The following BORCS8 variants were observed in gnomAD, a reference collection of about 807,000 sequenced individuals.
BORCS8 encodes BLOC-1-related complex subunit 8.
BORCS8 carries 13 observed loss-of-function variants against 18.7 expected under a neutral mutation model. That is an observed-to-expected ratio of 0.70 (90% CI 0.45 to 1.11). The LOEUF (loss-of-function observed/expected upper bound fraction) is 1.11. BORCS8 is among the 50% of genes least tolerant of loss of function. BORCS8 has a pLI of 0.00. For synonymous variants in BORCS8, 68 were observed against 64.8 expected (o/e 1.05, Z -0.24); for missense variants, 165 against 165.7 (o/e 1.00, Z 0.02).
At chr19:19,180,590 AGTG>A in intron 5 of BORCS8, 93 bp downstream of exon 5, 1 of 846,436 alleles carries the variant, frequency 1.2e-6, no homozygotes, top group Admixed American at 2.0e-5. Context: ...AGAAACCCCA[AGTG>A]GTTAGACAAG....
At chr19:19,187,613 A>G (rs1467832055) in intron 1 of BORCS8, among the ~76,000 whole-genome samples, 1 of 149,762 alleles carries the variant, frequency 6.7e-6, no homozygotes, top group Non-Finnish European at 1.5e-5. Flanking sequence ...ATCTCGGCTC[A>G]CCACAACCTC....
intron 1 of BORCS8, among the ~76,000 whole-genome samples, chr19:19,190,918 G>GA (rs1364457198): frequency 4.7e-5 from 7 of 148,532 alleles, no homozygotes; most frequent in Non-Finnish European, 7.5e-5. Flanking sequence ...TGGAAAATAG[G>GA]AAAAAAAAAA....
At chr19:19,180,627 C>A in intron 5 of BORCS8, 59 bp downstream of exon 5, 2 of 1,197,558 alleles carry the variant, frequency 1.7e-6, no homozygotes, top group Non-Finnish European at 2.4e-6. Flanking sequence ...GGCTGCCAAG[C>A]GGGCGGGTTG....
intron 1 of BORCS8, among the ~76,000 whole-genome samples, chr19:19,187,846 G>C (rs2060425759): frequency 6.9e-6 from 1 of 144,702 alleles, no homozygotes; most frequent in Non-Finnish European, 1.5e-5. Flanking sequence ...CAGCTTGATT[G>C]AACTTTTTTT....
intron 1 of BORCS8, among the ~76,000 whole-genome samples, chr19:19,188,302 A>G (rs1338184285): frequency 6.6e-6 from 1 of 152,112 alleles, no homozygotes; most frequent in East Asian, 1.9e-4. Flanking sequence ...TGCTGGGATT[A>G]CAGGCATGAG....
intron 1 of BORCS8, among the ~76,000 whole-genome samples, chr19:19,191,448 C>T (rs1247922248): frequency 6.7e-6 from 1 of 150,220 alleles, no homozygotes; most frequent in Admixed American, 6.7e-5. Context: ...GCCATGATCG[C>T]GCCACCGCAC....
At position 19,182,080 on chromosome 19, in the gene BORCS8, A is replaced by G; in HGVS notation, c.326+493T>C. Reference sequence around the variant, plus strand: ...CCATCTCCCTGGCCCCATCTCCCCCAGCTGGCCGGCTCCAGCCACAGAAGC... The same window carrying G: ...CCATCTCCCTGGCCCCATCTCCCCCGGCTGGCCGGCTCCAGCCACAGAAGC... On this transcript the variant is annotated intron_variant, in intron 4 of 5. Coordinates refer to ENST00000462790, the MANE Select transcript of BORCS8 (RefSeq NM_001145784.2). The surrounding 1 kb of genome is among the most constrained non-coding windows in gnomAD (Gnocchi z 4.1). 2.0e-6 allele frequency: 2 copies of G among 982,150 alleles called. No homozygotes were observed. Among genetic ancestry groups the G allele is most frequent in the Non-Finnish European group, 2.4e-6 (2 of 827,350 alleles). The allele number at this position is 982,150 out of a possible 1,614,324, so 60.8% of individuals were successfully genotyped here. A position where few individuals can be genotyped will look rare whatever the true frequency, so the allele number is the denominator to read the frequency against.
intron 1 of BORCS8, among the ~76,000 whole-genome samples, chr19:19,188,016 C>CATTT (rs138094517): frequency 0.091 from 13,669 of 150,602 alleles, 996 homozygotes; most frequent in East Asian, 0.2. Context: ...CTAGTTTTTT[C>CATTT]ATTTATTTAT....
chr19:19,178,798 A>G (rs904921500), intron 5 of BORCS8: 9 of 152,094 alleles, frequency 5.9e-5, no homozygotes, highest in African/African-American at 2.2e-4. Flanking sequence ...CATCTCTACT[A>G]AAAATACAAA....
rs2060415315 is a variant in BORCS8, at chr19:19,186,964, C to T, written c.79G>A (p.Glu27Lys). The change falls in exon 2 of 6, where the codon GAG (glutamate) becomes AAG (lysine). Residue 27 changes from glutamate (E) to lysine (K), a missense_variant. Transcript: ENST00000462790. Reference protein sequence around the residue: ...FTESVYVLANEPSVALYRLQE... With the variant: ...FTESVYVLANKPSVALYRLQE... ...AGCCGGTACAGGGCCACGGATGGCTCGTTGGCCAGGACGTAGACGCTCTCA... is the reference window on the plus strand; with the variant it reads ...AGCCGGTACAGGGCCACGGATGGCTTGTTGGCCAGGACGTAGACGCTCTCA... 2.6e-6 allele frequency: 4 copies of T among 1,551,362 alleles called. No homozygotes were observed. Among genetic ancestry groups the T allele is most frequent in the Non-Finnish European group, 3.5e-6 (4 of 1,146,912 alleles).
In BORCS8 at chr19:19,182,199, C is replaced by A; in HGVS notation, c.326+374G>T. The A allele has an allele frequency of 7.2e-6, 3 of 418,640 alleles. No individual in the cohort carries two copies. The highest frequency in any genetic ancestry group is 9.8e-6 in the Non-Finnish European group (3 of 307,128). The allele number at this position is 418,640 out of a possible 1,614,324, so 25.9% of individuals were successfully genotyped here. On this transcript the variant is annotated intron_variant, in intron 4 of 5. Coordinates refer to ENST00000462790, the MANE Select transcript of BORCS8 (RefSeq NM_001145784.2). This position sits in a 1 kb window ranked among gnomAD's most constrained non-coding sequence, Gnocchi z 4.1. ...CATGGAACTCCGTCTGCCCCCGGAT[C>A]GTCTCTGTCTGCATGTAACTCATGC...
At chr19:19,190,339 G>A (rs529331824) in intron 1 of BORCS8, among the ~76,000 whole-genome samples, 1 of 152,236 alleles carries the variant, frequency 6.6e-6, no homozygotes, top group Non-Finnish European at 1.5e-5. Context: ...GCCATCACCA[G>A]GGTGACTGCT....
At chr19:19,191,631 G>A (rs532806178) in intron 1 of BORCS8, among the ~76,000 whole-genome samples, 26 of 151,972 alleles carry the variant, frequency 1.7e-4, no homozygotes, top group Admixed American at 4.6e-4. Context: ...TGGGGGTGCA[G>A]TGGCACGACC....
intron 5 of BORCS8, chr19:19,177,851 G>A: frequency 6.5e-6 from 1 of 154,688 alleles, no homozygotes. Context: ...ACCAAGCCGG[G>A]CTCTGCTCTT....
At chr19:19,181,776 G>T in intron 4 of BORCS8, 1 of 804,202 alleles carries the variant, frequency 1.2e-6, no homozygotes, top group Non-Finnish European at 1.5e-6. Context: ...CAACACAGAT[G>T]CTTTCTTTCT....
At chr19:19,183,964 C>T (rs535732608) in intron 3 of BORCS8, among the ~76,000 whole-genome samples, 3 of 150,750 alleles carry the variant, frequency 2.0e-5, no homozygotes, top group East Asian at 3.9e-4. Context: ...CTCACAGCAA[C>T]CTCCGTCTCC....
intron 4 of BORCS8, 142 bp from the exon 5 acceptor site, chr19:19,180,903 G>A: frequency 2.3e-6 from 2 of 863,990 alleles, no homozygotes; most frequent in Non-Finnish European, 3.5e-6. Context: ...GCTTAAAAGT[G>A]GGATGAGTGG....
intron 1 of BORCS8, among the ~76,000 whole-genome samples, chr19:19,189,088 G>A (rs1047592553): frequency 1.3e-5 from 2 of 152,062 alleles, no homozygotes; most frequent in African/African-American, 4.8e-5. Flanking sequence ...GCCCACTTCG[G>A]CCTCCCAGAG....
chr19:19,182,433 A>G lies in BORCS8; in HGVS notation c.326+140T>C. The G allele has an allele frequency of 6.9e-7, 1 of 1,440,098 alleles. No individual in the cohort carries two copies. The allele number at this position is 1,440,098 out of a possible 1,614,324, so 89.2% of individuals were successfully genotyped here. A position where few individuals can be genotyped will look rare whatever the true frequency, so the allele number is the denominator to read the frequency against. The stretch of plus-strand genomic sequence containing the variant: ...GAACTCAGGTTATAGATGCCACAGG[A>G]CAAGAGGAGGTCACCAGACACCAGG... On this transcript the variant is annotated intron_variant, in intron 4 of 5. Coordinates refer to ENST00000462790, the MANE Select transcript of BORCS8 (RefSeq NM_001145784.2). The surrounding 1 kb of genome is among the most constrained non-coding windows in gnomAD (Gnocchi z 4.1).
Sources: gnomAD v4.1 joint callset for allele counts (sites outside exome capture counted in the v4.1 genomes callset) on GRCh38, gnomAD v4.1.1 for gene constraint, Gnocchi (gnomAD v3.1) non-coding constraint, MANE v1.5 for transcripts, NCBI Gene and HGNC (gene_info 2026-07-23, HGNC 2026-07-21) for gene names.